The following DOCK3 variants were observed in gnomAD, a reference collection of about 807,000 sequenced individuals.
DOCK3 encodes dedicator of cytokinesis protein 3.
Under a neutral mutation model 265.6 loss-of-function variants are expected in DOCK3, and 60 were observed. The ratio of observed to expected loss-of-function variants is 0.23; its 90% CI spans 0.18 to 0.28. The LOEUF (loss-of-function observed/expected upper bound fraction) is 0.28, where lower values mean the gene tolerates loss of function less well. Among genes scored for constraint, DOCK3 ranks in the 10% least tolerant of loss-of-function variants. DOCK3 has a pLI of 1.00. For missense variants in DOCK3, 1,981 were observed against 2,594.3 expected, an observed-to-expected ratio of 0.76 and a Z score of 5.14; for synonymous variants, 881 against 938.0, an observed-to-expected ratio of 0.94 and a Z score of 1.11.
intron 21 of DOCK3, among the ~76,000 whole-genome samples, chr3:51,243,658 G>T (rs1298160905): frequency 6.6e-6 from 1 of 152,062 alleles, no homozygotes; most frequent in Admixed American, 6.5e-5. Context: ...CCAGTCACTT[G>T]GTTGCCTTTT....
At chr3:51,202,087 A>T (rs2088820227) in intron 12 of DOCK3, among the ~76,000 whole-genome samples, 1 of 151,300 alleles carries the variant, frequency 6.6e-6, no homozygotes, top group African/African-American at 2.4e-5. Flanking sequence ...TCCAAAATTG[A>T]CACCCTAACA....
At chr3:50,727,988 A>T (rs143422407) in intron 1 of DOCK3, among the ~76,000 whole-genome samples, 1 of 152,226 alleles carries the variant, frequency 6.6e-6, no homozygotes, top group African/African-American at 2.4e-5. Flanking sequence ...TTAGATCATT[A>T]TACCCAACAG....
At chr3:51,278,607 G>T in intron 26 of DOCK3, 2 of 836,920 alleles carry the variant, frequency 2.4e-6, no homozygotes, top group Non-Finnish European at 2.7e-6. Flanking sequence ...CTCACTGTAA[G>T]TAAAAAACAT....
intron 3 of DOCK3, among the ~76,000 whole-genome samples, chr3:50,860,877 TCAGTC>T (rs2046875500): frequency 6.6e-6 from 1 of 152,236 alleles, no homozygotes; most frequent in African/African-American, 2.4e-5. Flanking sequence ...CTTTCTGGAT[TCAGTC>T]TCTTTCCTAG....
At chr3:51,180,225 A>ACACACAC (rs58463671) in intron 12 of DOCK3, among the ~76,000 whole-genome samples, 18 of 145,578 alleles carry the variant, frequency 1.2e-4, no homozygotes, top group East Asian at 8.8e-4. Flanking sequence ...AAAAAAAAAA[A>ACACACAC]ACACACACAC....
In DOCK3 at chr3:51,160,637, C is replaced by T. The variant is rs1280311049; in HGVS notation, c.972C>T (p.Ile324=). 1.2e-6 allele frequency: 2 copies of T among 1,613,030 alleles called. No individual in the cohort carries two copies. The highest frequency in any genetic ancestry group is 1.7e-5 in the Admixed American group (1 of 59,888). ...RRPYGCAVLS[I]LDVLQSLTEV... Reference sequence around the variant, plus strand: ...CATATGGCTGTGCGGTCCTAAGCATCTTGGATGTCCTACAGTCACTCACAG... The same window carrying T: ...CATATGGCTGTGCGGTCCTAAGCATTTTGGATGTCCTACAGTCACTCACAG... Residue 324 remains isoleucine (I), a synonymous_variant, in exon 12 of 53, where the codon ATC becomes ATT. Coordinates refer to ENST00000266037, the MANE Select transcript of DOCK3 (RefSeq NM_004947.5).
intron 2 of DOCK3, among the ~76,000 whole-genome samples, chr3:50,811,160 A>C (rs2043731676): frequency 6.6e-6 from 1 of 152,144 alleles, no homozygotes; most frequent in African/African-American, 2.4e-5. Flanking sequence ...AGGCTGAGGT[A>C]GGAGGATCAC....
intron 3 of DOCK3, among the ~76,000 whole-genome samples, chr3:50,875,302 C>G (rs980335895): frequency 6.6e-6 from 1 of 151,976 alleles, no homozygotes; most frequent in Non-Finnish European, 1.5e-5. Flanking sequence ...TTTCTCTTGC[C>G]TGTTTGTGCT....
chr3:51,348,752 G>T (rs2085764086), intron 38 of DOCK3, 100 bp from the exon 39 acceptor site: 1 of 1,201,640 alleles, frequency 8.3e-7, no homozygotes, highest in African/African-American at 1.5e-5. Context: ...AGTTGGAGCT[G>T]GCGGGAGACC....
chr3:51,113,673 C>A (rs1281181103), intron 9 of DOCK3, among the ~76,000 whole-genome samples: 1 of 152,112 alleles, frequency 6.6e-6, no homozygotes, highest in East Asian at 1.9e-4. Context: ...TCTAATATAC[C>A]TGTTAATCCC....
At chr3:51,209,719 A>G (rs2089404429) in intron 13 of DOCK3, among the ~76,000 whole-genome samples, 2 of 152,346 alleles carry the variant, frequency 1.3e-5, no homozygotes, top group Admixed American at 1.3e-4. Flanking sequence ...AGAGTAGTAC[A>G]TGTTGTAGAA....
intron 46 of DOCK3, 60 bp downstream of exon 46, chr3:51,358,137 C>G: frequency 1.3e-6 from 2 of 1,563,644 alleles, no homozygotes; most frequent in Non-Finnish European, 1.8e-6. Context: ...TCCTCCAGAC[C>G]TACGCCACAA....
intron 24 of DOCK3, among the ~76,000 whole-genome samples, chr3:51,274,081 T>C (rs2080671783): frequency 6.6e-6 from 1 of 152,234 alleles, no homozygotes; most frequent in East Asian, 1.9e-4. Flanking sequence ...TTCCTGAATT[T>C]AGGATTGTAA....
intron 27 of DOCK3, among the ~76,000 whole-genome samples, chr3:51,298,699 A>G (rs765590804): frequency 3.4e-4 from 52 of 152,138 alleles, no homozygotes; most frequent in Non-Finnish European, 3.1e-4. Context: ...TGCTGAGGAT[A>G]ATGGCTTCCA....
chr3:50,841,404 T>C (rs1048514130), intron 2 of DOCK3, among the ~76,000 whole-genome samples: 15 of 152,230 alleles, frequency 9.9e-5, no homozygotes, highest in African/African-American at 3.1e-4. Flanking sequence ...ATTTTTGTGC[T>C]GTTGAATTAC....
chr3:50,771,000 A>G (rs912524314), intron 1 of DOCK3, among the ~76,000 whole-genome samples: 2 of 152,250 alleles, frequency 1.3e-5, no homozygotes, highest in African/African-American at 2.4e-5. Flanking sequence ...AGCTACTACA[A>G]GAAAACATTG....
intron 9 of DOCK3, among the ~76,000 whole-genome samples, chr3:51,095,576 GAATTTGCATTGTCTAGTGCA>G (rs1184155939): frequency 6.6e-6 from 1 of 152,026 alleles, no homozygotes; most frequent in Non-Finnish European, 1.5e-5. Flanking sequence ...CTTGATGGTG[GAATTTGCATTGTCTAGTGCA>G]AAATGCAGCC....
At chr3:50,945,267 C>A (rs767036996) in intron 5 of DOCK3, among the ~76,000 whole-genome samples, 5 of 152,012 alleles carry the variant, frequency 3.3e-5, no homozygotes, top group Non-Finnish European at 7.4e-5. Flanking sequence ...TTTTGCTTTC[C>A]TATTAAAAAT....
chr3:51,068,323 G>A (rs1290489085), intron 6 of DOCK3, among the ~76,000 whole-genome samples: 18 of 151,908 alleles, frequency 1.2e-4, no homozygotes, highest in African/African-American at 3.9e-4. Context: ...GGCAGATCAC[G>A]AGGTCAAGAG....
Sources: allele counts gnomAD v4.1 joint callset (sites outside exome capture counted in the v4.1 genomes callset), GRCh38; gene constraint gnomAD v4.1.1; transcripts MANE v1.5; gene names NCBI Gene and HGNC (gene_info 2026-07-23, HGNC 2026-07-21).